The following VPS33A variants were observed in gnomAD, a reference collection of about 807,000 sequenced individuals.
VPS33A encodes the protein vacuolar protein sorting-associated protein 33A.
VPS33A carries 32 observed loss-of-function variants against 71.8 expected under a neutral mutation model. That is an observed-to-expected ratio of 0.45 (90% CI 0.34 to 0.60). The LOEUF is 0.60. VPS33A is among the 20% of genes least tolerant of loss of function. VPS33A has a pLI of 0.02. For synonymous variants in VPS33A, 311 were observed against 292.7 expected, an observed-to-expected ratio of 1.06 and a Z score of -0.64; for missense variants, 625 against 748.5, an observed-to-expected ratio of 0.84 and a Z score of 1.92.
At position 122,232,248 on chromosome 12, in the gene VPS33A, AG is replaced by A. The variant is rs1285149894; in HGVS notation, c.1788del (p.Ter597ArgfsTer18). The part of the protein sequence containing the change: ...SWIEALMEKP[F>X] ...TTGTTAAGTCTCCTCTGAACATCCT[AG>A]AAAGGTTTTTCCATCAGAGCCTCTA... On this transcript the variant is annotated frameshift_variant, in exon 13 of 13. Transcript: ENST00000267199. LOFTEE classifies it high-confidence loss of function. 1 of 1,610,260 alleles carries A rather than the reference AG, an allele frequency of 6.2e-7. No individual in the cohort carries two copies. Among genetic ancestry groups the A allele is most frequent in the African/African-American group, 1.3e-5 (1 of 74,768 alleles).
At position 122,232,853 on chromosome 12, in the gene VPS33A, G is replaced by A; in HGVS notation, c.1556C>T (p.Pro519Leu). The A allele has an allele frequency of 1.2e-6, 2 of 1,614,198 alleles. No individual in the cohort carries two copies. The highest frequency in any genetic ancestry group is 1.7e-6 in the Non-Finnish European group (2 of 1,180,036). Residue 519 changes from proline to leucine, a missense_variant, in exon 12 of 13, where the codon CCA becomes CTA. By Grantham distance (98) the Pro-to-Leu change is moderately conservative. Transcript: ENST00000267199. ...RSIEEVLRIL[P>L]GPHFEERQPL... ...CTGCCGCTCCTCAAAGTGGGGCCCT[G>A]GGAGGATGCGGAGGACCTCCTCGAT...
At position 122,266,369 on chromosome 12, in the gene VPS33A, C is replaced by G; in HGVS notation, c.40G>C (p.Val14Leu). ...TCGCGACGCACCGCCTCGCGCAACA[C>G]GTTTAGGTTCACTCGGCCGTAGGAC... ...HLSYGRVNLN[V>L]LREAVRRELR... Residue 14 changes from valine to leucine, a missense_variant, in exon 1 of 13, where the codon GTG (valine) becomes CTG (leucine). By Grantham distance (32) the Val-to-Leu change is conservative. Transcript: ENST00000267199. 6.2e-7 allele frequency: 1 copy of G among 1,613,718 alleles called. No homozygotes were observed. The highest frequency in any genetic ancestry group is 2.2e-5 in the East Asian group (1 of 44,878).
At chr12:122,265,140 C>T (rs1191087872) in intron 1 of VPS33A, among the ~76,000 whole-genome samples, 2 of 151,870 alleles carry the variant, frequency 1.3e-5, no homozygotes, top group Admixed American at 1.3e-4. Flanking sequence ...GGCTGGTCTC[C>T]AACTCTGGGC....
chr12:122,261,315 A>G lies in VPS33A; in HGVS notation c.429T>C (p.Asp143=). 1.2e-6 allele frequency: 2 copies of G among 1,613,886 alleles called. No homozygotes were observed. The highest frequency in any genetic ancestry group is 1.7e-6 in the Non-Finnish European group (2 of 1,179,964). Reference sequence around the variant, plus strand: ...AGAGATCCCCATCGAATGGAATGAGATCTAAGCTGTACTCCTCCCTGTGAA... The same window carrying G: ...AGAGATCCCCATCGAATGGAATGAGGTCTAAGCTGTACTCCTCCCTGTGAA... ...SFIHREEYSL[D]LIPFDGDLLS... is the part of the protein sequence containing the mutation. Residue 143 remains aspartate (D), a synonymous_variant, in exon 4 of 13, where the codon GAT becomes GAC. Transcript: ENST00000267199.
At chr12:122,258,918 T>A (rs1442871777) in intron 4 of VPS33A, among the ~76,000 whole-genome samples, 3 of 149,290 alleles carry the variant, frequency 2.0e-5, no homozygotes, top group Non-Finnish European at 4.4e-5. Flanking sequence ...GAGGCCGAGG[T>A]TGCAGTGTGC....
At chr12:122,255,757 G>C (rs1954909445) in intron 4 of VPS33A, among the ~76,000 whole-genome samples, 1 of 149,284 alleles carries the variant, frequency 6.7e-6, no homozygotes, top group Non-Finnish European at 1.5e-5. Context: ...CTGGTTATAG[G>C]ATTAGTCGGT....
intron 4 of VPS33A, among the ~76,000 whole-genome samples, chr12:122,259,175 GTGTATGTATGTGTGTA>G (rs1566051433): frequency 2.3e-5 from 3 of 129,192 alleles, no homozygotes; most frequent in Non-Finnish European, 1.6e-5. Flanking sequence ...GTGTGTGTGT[GTGTATGTATGTGTGTA>G]TGTATGTATG....
intron 1 of VPS33A, 35 bp from the exon 2 acceptor site, chr12:122,264,234 T>A (rs761541316): frequency 2.1e-6 from 3 of 1,449,884 alleles, no homozygotes; most frequent in Non-Finnish European, 2.8e-6. Context: ...TTATTATAGT[T>A]AATATCAGGA....
chr12:122,244,412 G>A (rs1307304224), intron 7 of VPS33A, among the ~76,000 whole-genome samples, 157 bp downstream of exon 7: 2 of 152,124 alleles, frequency 1.3e-5, no homozygotes, highest in African/African-American at 4.8e-5. Context: ...TGAAAACCTC[G>A]GATCTTCCAA....
At chr12:122,260,988 A>G (rs1408513746) in intron 4 of VPS33A, among the ~76,000 whole-genome samples, 1 of 152,244 alleles carries the variant, frequency 6.6e-6, no homozygotes, top group Admixed American at 6.5e-5. Context: ...AAAACAAAAC[A>G]AAACAAAAAA....
At chr12:122,243,806 A>G (rs1954743882) in intron 7 of VPS33A, among the ~76,000 whole-genome samples, 1 of 152,112 alleles carries the variant, frequency 6.6e-6, no homozygotes, top group South Asian at 2.1e-4. Flanking sequence ...CTGTGGTCCC[A>G]GCTACTCGGG....
chr12:122,257,055 A>G (rs1954928688), intron 4 of VPS33A, among the ~76,000 whole-genome samples: 2 of 152,144 alleles, frequency 1.3e-5, no homozygotes, highest in South Asian at 2.1e-4. Flanking sequence ...GTAGCTGCAT[A>G]TAATATCCCC....
chr12:122,260,842 GC>G (rs1395232635), intron 4 of VPS33A, among the ~76,000 whole-genome samples: 1 of 152,118 alleles, frequency 6.6e-6, no homozygotes, highest in Non-Finnish European at 1.5e-5. Context: ...AAGCATAGTG[GC>G]GCACACTTGT....
chr12:122,236,052 T>C, intron 10 of VPS33A, 129 bp from the exon 11 acceptor site: 1 of 1,161,746 alleles, frequency 8.6e-7, no homozygotes, highest in South Asian at 1.6e-5. Flanking sequence ...CCAGCAATGT[T>C]AGTGGATGGG....
At chr12:122,244,792 T>G (rs1954756734) in intron 6 of VPS33A, 30 bp from the exon 7 acceptor site, 1 of 1,584,198 alleles carries the variant, frequency 6.3e-7, no homozygotes, top group Admixed American at 1.7e-5. Flanking sequence ...AATAAGCACC[T>G]GTGTGCAATG....
At position 122,264,188 on chromosome 12, in the gene VPS33A, C is replaced by A; in HGVS notation, c.114G>T (p.Trp38Cys). 6.5e-7 allele frequency: 1 copy of A among 1,545,916 alleles called. No individual in the cohort carries two copies. Among genetic ancestry groups the A allele is most frequent in the South Asian group, 1.2e-5 (1 of 80,486 alleles). Reference sequence around the variant, plus strand: ...CAAAGGGTCCAGTTAGGTATTCATCCCAAACTATTGCCTGTAAGAGGGGAG... The same window carrying A: ...CAAAGGGTCCAGTTAGGTATTCATCACAAACTATTGCCTGTAAGAGGGGAG... Reference protein sequence around the residue: ...DKCAGSKAIVWDEYLTGPFGL... With the variant: ...DKCAGSKAIVCDEYLTGPFGL... Residue 38 changes from tryptophan to cysteine, a missense_variant, in exon 2 of 13, where the codon TGG (tryptophan) becomes TGT (cysteine). By Grantham distance (215) the Trp-to-Cys change is radical. Coordinates refer to ENST00000267199, the MANE Select transcript of VPS33A (RefSeq NM_022916.6).
At chr12:122,263,794 C>T (rs1955031387) in intron 2 of VPS33A, 95 bp from the exon 3 acceptor site, 1 of 1,369,862 alleles carries the variant, frequency 7.3e-7, no homozygotes, top group South Asian at 1.7e-5. Context: ...ATCAAGTGCA[C>T]ATTAATATTT....
At chr12:122,244,156 C>T (rs1041342844) in intron 7 of VPS33A, among the ~76,000 whole-genome samples, 1 of 152,160 alleles carries the variant, frequency 6.6e-6, no homozygotes, top group Non-Finnish European at 1.5e-5. Context: ...ACCTGCCACA[C>T]GTGCTGACTT....
chr12:122,266,045 T>C (rs1223152928), intron 1 of VPS33A, among the ~76,000 whole-genome samples: 3 of 152,196 alleles, frequency 2.0e-5, no homozygotes, highest in Non-Finnish European at 4.4e-5. Context: ...GTAAACCAGC[T>C]CATCAGCTGC....
Sources: gnomAD v4.1 joint callset for allele counts (sites outside exome capture counted in the v4.1 genomes callset) on GRCh38, gnomAD v4.1.1 for gene constraint, MANE v1.5 for transcripts, NCBI Gene and HGNC (gene_info 2026-07-23, HGNC 2026-07-21) for gene names.